The following SGCZ variants were observed in gnomAD, a reference collection of about 807,000 sequenced individuals.
SGCZ encodes sarcoglycan zeta, also known as zeta-sarcoglycan.
Under a neutral mutation model 41.3 loss-of-function variants are expected in SGCZ, and 40 were observed. That is an observed-to-expected ratio of 0.97 (90% confidence interval 0.75 to 1.26). The LOEUF (loss-of-function observed/expected upper bound fraction) is 1.26. Ranked by LOEUF, SGCZ falls within the 50% of genes most tolerant of loss-of-function variation. The pLI is 0.00. For synonymous variants in SGCZ, 206 were observed against 137.5 expected, an observed-to-expected ratio of 1.50 and a Z score of -3.49; for missense variants, 552 against 369.8, an observed-to-expected ratio of 1.49 and a Z score of -4.04.
intron 1 of SGCZ, among the ~76,000 whole-genome samples, chr8:15,107,322 C>A (rs945869322): frequency 2.6e-4 from 39 of 152,262 alleles, no homozygotes; most frequent in African/African-American, 9.1e-4. Flanking sequence ...GCAATATAAT[C>A]CCCAATGTGA....
chr8:15,058,545 C>T (rs573611166), intron 1 of SGCZ, among the ~76,000 whole-genome samples: 42 of 152,312 alleles, frequency 2.8e-4, no homozygotes, highest in African/African-American at 8.7e-4. Context: ...GCTGATTTTA[C>T]TAACATTTCA....
At chr8:14,624,774 T>A (rs563913370) in intron 1 of SGCZ, among the ~76,000 whole-genome samples, 181 of 151,804 alleles carry the variant, frequency 1.2e-3, no homozygotes, top group Non-Finnish European at 2.1e-3. Flanking sequence ...TTTCACCATG[T>A]TGGCCAGGCT....
At chr8:14,602,330 A>C (rs559646860) in intron 1 of SGCZ, among the ~76,000 whole-genome samples, 70 of 152,066 alleles carry the variant, frequency 4.6e-4, no homozygotes, top group African/African-American at 1.6e-3. Flanking sequence ...GGTTTAATGA[A>C]TAATGCACAT....
At chr8:14,925,906 C>T (rs948915777) in intron 1 of SGCZ, among the ~76,000 whole-genome samples, 1 of 152,100 alleles carries the variant, frequency 6.6e-6, no homozygotes, top group African/African-American at 2.4e-5. Context: ...ACTTTGGACA[C>T]ATTTTATGGG....
At chr8:14,177,039 T>C (rs1224548531) in intron 4 of SGCZ, among the ~76,000 whole-genome samples, 2 of 152,112 alleles carry the variant, frequency 1.3e-5, no homozygotes, top group Non-Finnish European at 2.9e-5. Context: ...TAACGGTTGG[T>C]ATACAGACAA....
intron 3 of SGCZ, among the ~76,000 whole-genome samples, chr8:14,265,153 G>C (rs549452541): frequency 6.6e-6 from 1 of 152,152 alleles, no homozygotes; most frequent in African/African-American, 2.4e-5. Context: ...ATGGAGATGT[G>C]TGATCTCTTA....
chr8:14,982,680 C>T lies in SGCZ; in HGVS notation c.39+254905G>A, dbSNP rs542379882. ...AAAGCGTTAAGTGCAGTTATTCTTA[C>T]ATTGTAAGTGGTCAAATATATCACC... On this transcript the variant is annotated intron_variant, in intron 1 of 7. Transcript: ENST00000382080. Among the ~76,000 whole-genome samples the T allele has an allele frequency of 1.2e-3, 183 of 152,324 alleles. 2 individuals are homozygous for T. Among genetic ancestry groups the T allele is most frequent in the African/African-American group, 4.3e-3 (179 of 41,570 alleles).
intron 2 of SGCZ, among the ~76,000 whole-genome samples, chr8:14,336,046 T>C (rs1452553389): frequency 6.6e-6 from 1 of 152,118 alleles, no homozygotes; most frequent in African/African-American, 2.4e-5. Flanking sequence ...TAGTTATTTA[T>C]TCTGATCTGC....
intron 1 of SGCZ, among the ~76,000 whole-genome samples, chr8:14,677,555 G>A (rs1004553900): frequency 8.5e-5 from 13 of 152,132 alleles, no homozygotes; most frequent in African/African-American, 3.1e-4. Flanking sequence ...CAGATCACTT[G>A]AGGCCAGGAG....
At chr8:14,577,836 G>C (rs1414487806) in intron 1 of SGCZ, among the ~76,000 whole-genome samples, 1 of 152,156 alleles carries the variant, frequency 6.6e-6, no homozygotes, top group Non-Finnish European at 1.5e-5. Flanking sequence ...CTTAATGATT[G>C]ATCATATTTT....
At chr8:14,586,958 C>T (rs1427453526) in intron 1 of SGCZ, among the ~76,000 whole-genome samples, 1 of 151,484 alleles carries the variant, frequency 6.6e-6, no homozygotes, top group African/African-American at 2.4e-5. Flanking sequence ...TCATATAGAA[C>T]AAATTCACTA....
At chr8:14,394,226 C>T (rs1006026034) in intron 2 of SGCZ, among the ~76,000 whole-genome samples, 13 of 148,652 alleles carry the variant, frequency 8.7e-5, no homozygotes, top group African/African-American at 3.0e-4. Flanking sequence ...TCTCGGCTCA[C>T]TGCAACCTCT....
chr8:14,357,154 CA>C (rs1451334310), intron 2 of SGCZ, among the ~76,000 whole-genome samples: 8 of 152,014 alleles, frequency 5.3e-5, no homozygotes, highest in Non-Finnish European at 1.2e-4. Flanking sequence ...TGATATTTTT[CA>C]AAAGAATTAA....
intron 1 of SGCZ, among the ~76,000 whole-genome samples, chr8:15,023,465 C>T (rs1333514548): frequency 6.6e-6 from 1 of 152,132 alleles, no homozygotes; most frequent in Non-Finnish European, 1.5e-5. Context: ...CTGAAATGGA[C>T]CATTAATGGA....
At chr8:15,072,371 A>T (rs1293694717) in intron 1 of SGCZ, among the ~76,000 whole-genome samples, 1 of 152,216 alleles carries the variant, frequency 6.6e-6, no homozygotes, top group East Asian at 1.9e-4. Context: ...AAATAGCAAC[A>T]TCAACAAAAA....
chr8:14,408,468 C>G (rs1033750279), intron 2 of SGCZ, among the ~76,000 whole-genome samples: 1 of 152,110 alleles, frequency 6.6e-6, no homozygotes, highest in African/African-American at 2.4e-5. Flanking sequence ...GCTCCATTCC[C>G]CTGCCCTCCA....
intron 2 of SGCZ, among the ~76,000 whole-genome samples, chr8:14,494,663 C>A (rs1302888782): frequency 6.6e-6 from 1 of 152,030 alleles, no homozygotes; most frequent in Non-Finnish European, 1.5e-5. Context: ...TTTTTTCAGT[C>A]AAATAGTAGC....
chr8:14,605,335 A>G (rs1805714616), intron 1 of SGCZ, among the ~76,000 whole-genome samples: 1 of 152,088 alleles, frequency 6.6e-6, no homozygotes, highest in Non-Finnish European at 1.5e-5. Flanking sequence ...ATTCAGGCAT[A>G]CAAAGTGTAG....
intron 1 of SGCZ, among the ~76,000 whole-genome samples, chr8:14,702,844 G>C (rs535344237): frequency 7.1e-5 from 9 of 126,898 alleles, no homozygotes; most frequent in African/African-American, 2.0e-4. Context: ...TAGATAGATA[G>C]ATAGATAGAT....
Sources: gnomAD v4.1 joint callset for allele counts (sites outside exome capture counted in the v4.1 genomes callset) on GRCh38, gnomAD v4.1.1 for gene constraint, MANE v1.5 for transcripts, NCBI Gene and HGNC (gene_info 2026-07-23, HGNC 2026-07-21) for gene names.